The following AKAP12 variants were observed in gnomAD, a reference collection of about 807,000 sequenced individuals.
AKAP12 encodes the protein A-kinase anchoring protein 12, also known as A-kinase anchor protein 12.
In AKAP12, 32 loss-of-function variants were observed where a neutral mutation model predicts 79.9. The observed-to-expected ratio is 0.40, with a 90% CI of 0.30 to 0.54. The LOEUF is 0.54. Among genes scored for constraint, AKAP12 ranks in the 20% least tolerant of loss-of-function variants. The probability of loss-of-function intolerance (pLI) is 0.48; values close to 1 mark genes in which losing one functional copy is unlikely to be tolerated. For missense variants in AKAP12, 2,074 were observed against 2,177.0 expected (o/e 0.95, Z 0.94); for synonymous variants, 808 against 857.0 (o/e 0.94, Z 1.00).
At chr6:151,320,578 T>C (rs550540578) in intron 3 of AKAP12, among the ~76,000 whole-genome samples, 26 of 152,292 alleles carry the variant, frequency 1.7e-4, no homozygotes, top group Non-Finnish European at 2.9e-4. Context: ...TTCCAGGCCA[T>C]TCTTATTTCA....
In AKAP12 at chr6:151,358,020, A is replaced by G. The variant is rs964177477; in HGVS notation, c.*2306A>G. On this transcript the variant is annotated 3_prime_UTR_variant, in exon 5 of 5. Transcript: ENST00000402676. ...CTGCTTTATGACTGCTTTTTGTACT[A>G]TCTGGATGTGCCCAGAGTTACTTCT... is the stretch of plus-strand genomic sequence containing the variant. 9 of 152,222 alleles carry G rather than the reference A, an allele frequency of 5.9e-5. No homozygotes were observed. In the South Asian group the frequency reaches 1.9e-3, roughly 32 times the overall value. 9.4% of individuals were successfully genotyped at this position (152,222 alleles called of 1,614,324 possible).
chr6:151,280,970 A>G (rs190122764), intron 2 of AKAP12, among the ~76,000 whole-genome samples: 1,535 of 152,290 alleles, frequency 0.01, 17 homozygotes, highest in Middle Eastern at 0.017. Flanking sequence ...TCTTATGTGT[A>G]ATTCTAAAGA....
At chr6:151,322,750 T>TGCCACTGGGTGTGTGCACCATCCACTCCC (rs1777429204) in intron 3 of AKAP12, among the ~76,000 whole-genome samples, 6 of 145,742 alleles carry the variant, frequency 4.1e-5, no homozygotes, top group African/African-American at 1.7e-4. Context: ...CACCCACTCC[T>TGCCACTGGGTGTGTGCACCATCCACTCCC]GCCACTGGGT....
intron 2 of AKAP12, among the ~76,000 whole-genome samples, chr6:151,245,656 C>CA (rs10700236): frequency 0.089 from 8,822 of 98,926 alleles, 550 homozygotes; most frequent in African/African-American, 0.17. Flanking sequence ...GACTCCGTCT[C>CA]AAAAAAAAAA....
At position 151,353,232 on chromosome 6, in the gene AKAP12, C is replaced by A. The variant is rs1440624574; in HGVS notation, c.4841C>A (p.Ala1614Asp). Residue 1614 changes from alanine to aspartate, a missense_variant, in exon 4 of 5, where the codon GCC becomes GAC. Ala to Asp is a moderately radical substitution (Grantham distance 126, BLOSUM62 -2). This residue lies in a region of AKAP12 where 614 missense variants were observed against 665.6 expected (regional missense o/e 0.92). Coordinates refer to ENST00000402676, the MANE Select transcript of AKAP12 (RefSeq NM_005100.4). ...SAQDETPITS[A>D]KEESESTAVG... ...CAGGATGAAACACCAATTACTTCAG[C>A]CAAAGAGGAGTCAGAGTCAACCGCA... 2 of 1,614,012 alleles carry A rather than the reference C, an allele frequency of 1.2e-6. No individual in the cohort carries two copies. The highest frequency in any genetic ancestry group is 2.7e-5 in the African/African-American group (2 of 74,896).
At chr6:151,242,801 C>T (rs1047490424) in intron 2 of AKAP12, among the ~76,000 whole-genome samples, 1 of 152,178 alleles carries the variant, frequency 6.6e-6, no homozygotes, top group African/African-American at 2.4e-5. Context: ...CCTGGTTGTG[C>T]CGACCAACGG....
chr6:151,256,948 C>CTA (rs57384016), intron 2 of AKAP12, among the ~76,000 whole-genome samples: 23 of 145,874 alleles, frequency 1.6e-4, no homozygotes, highest in South Asian at 6.5e-4. Context: ...CGCGCCCGGC[C>CTA]TATATATATA....
At chr6:151,318,862 G>C (rs905908358) in intron 3 of AKAP12, among the ~76,000 whole-genome samples, 3 of 152,190 alleles carry the variant, frequency 2.0e-5, no homozygotes, top group Non-Finnish European at 2.9e-5. Context: ...AGAATCGCTT[G>C]AGCCCAGGAG....
In AKAP12 at chr6:151,259,475, T is replaced by TAC. The variant is rs200596320; in HGVS notation, c.162+18752_162+18753insCA. Among the ~76,000 whole-genome samples, 516 of 91,862 alleles carry TAC rather than the reference T, an allele frequency of 5.6e-3. 3 individuals are homozygous for TAC. The highest frequency in any genetic ancestry group is 0.024 in the African/African-American group (476 of 19,608). 60.3% of individuals were successfully genotyped at this position (91,862 alleles called of 152,430 possible). ...ATATACACACATATATACATGTATA[T>TAC]ATATATATACACACACATATACATG... On this transcript the variant is annotated intron_variant, in intron 2 of 4. Coordinates refer to ENST00000402676, the MANE Select transcript of AKAP12 (RefSeq NM_005100.4).
chr6:151,327,179 C>T (rs1777551299), intron 3 of AKAP12, among the ~76,000 whole-genome samples: 1 of 150,606 alleles, frequency 6.6e-6, no homozygotes. Context: ...CTCAATGCAA[C>T]TGCTCCTGCA....
chr6:151,337,342 C>T (rs1200491184), intron 3 of AKAP12, among the ~76,000 whole-genome samples: 1 of 151,442 alleles, frequency 6.6e-6, no homozygotes, highest in African/African-American at 2.4e-5. Context: ...GTGGAAACCC[C>T]GTCTCTACTA....
chr6:151,285,261 C>T (rs896144685), intron 2 of AKAP12, among the ~76,000 whole-genome samples: 1 of 152,124 alleles, frequency 6.6e-6, no homozygotes, highest in African/African-American at 2.4e-5. Flanking sequence ...ACTATTTTTC[C>T]CATTGTCATA....
At chr6:151,295,680 CTAACCAAGCCAATCAGG>C (rs1240581104) in intron 2 of AKAP12, among the ~76,000 whole-genome samples, 22 of 152,348 alleles carry the variant, frequency 1.4e-4, no homozygotes, top group African/African-American at 3.1e-4. Flanking sequence ...CAAAGCTGGT[CTAACCAAGCCAATCAGG>C]TATTGAAAGT....
chr6:151,268,476 C>A (rs923518495), intron 2 of AKAP12, among the ~76,000 whole-genome samples: 1 of 152,084 alleles, frequency 6.6e-6, no homozygotes, highest in African/African-American at 2.4e-5. Context: ...GTATTTAAGG[C>A]AAAAATAACA....
At position 151,350,396 on chromosome 6, in the gene AKAP12, C is replaced by A. The variant is rs1778250420; in HGVS notation, c.2005C>A (p.Pro669Thr). Reference protein sequence around the residue: ...GSVEEPKPEEPKRKVDTSVSW... With the variant: ...GSVEEPKPEETKRKVDTSVSW... ...CGTGGAAGAGCCAAAGCCGGAAGAA[C>A]CAAAGCGCAAGGTGGATACCTCAGT... The change falls in exon 4 of 5, where the codon CCA becomes ACA. Residue 669 changes from proline to threonine, a missense_variant. Pro to Thr is a conservative substitution (Grantham distance 38, BLOSUM62 -1). Around this residue, in one of 3 missense-constraint regions of AKAP12, gnomAD observed 1,428 missense variants for 1,451.0 expected, o/e 0.98. Coordinates refer to ENST00000402676, the MANE Select transcript of AKAP12 (RefSeq NM_005100.4). The surrounding 1 kb of genome is among the most constrained non-coding windows in gnomAD (Gnocchi z 4.8). The A allele has an allele frequency of 6.2e-7, 1 of 1,613,406 alleles. No homozygotes were observed. The highest frequency in any genetic ancestry group is 1.7e-4 in the Middle Eastern group (1 of 6,060).
intron 2 of AKAP12, among the ~76,000 whole-genome samples, chr6:151,286,696 T>A (rs1475618481): frequency 1.3e-5 from 2 of 152,160 alleles, no homozygotes; most frequent in Non-Finnish European, 2.9e-5. Context: ...TTTAAGCGCA[T>A]ATGAACCAAA....
At chr6:151,299,711 C>T (rs891586072) in intron 2 of AKAP12, among the ~76,000 whole-genome samples, 5 of 151,680 alleles carry the variant, frequency 3.3e-5, no homozygotes, top group African/African-American at 9.7e-5. Flanking sequence ...ATTGCATGAA[C>T]ATTTCATAAT....
intron 2 of AKAP12, among the ~76,000 whole-genome samples, chr6:151,297,241 G>C (rs1480236373): frequency 6.6e-6 from 1 of 151,306 alleles, no homozygotes; most frequent in Admixed American, 6.6e-5. Flanking sequence ...ACTTGCCCTC[G>C]CAACCTGAGG....
At chr6:151,354,496 C>T (rs1385229675) in intron 4 of AKAP12, among the ~76,000 whole-genome samples, 2 of 152,122 alleles carry the variant, frequency 1.3e-5, no homozygotes, top group Non-Finnish European at 1.5e-5. Flanking sequence ...GCCTCAGCCT[C>T]CCGAGTAGCT....
Sources: gnomAD v4.1 joint callset for allele counts (sites outside exome capture counted in the v4.1 genomes callset) on GRCh38, gnomAD v4.1.1 for gene constraint, gnomAD v4.1.1 regional missense constraint, Gnocchi (gnomAD v3.1) non-coding constraint, MANE v1.5 for transcripts, NCBI Gene and HGNC (gene_info 2026-07-23, HGNC 2026-07-21) for gene names.